RUVBL1: variants seen among roughly 807,000 people sequenced by gnomAD.
The protein encoded by RUVBL1 is RuvB like AAA ATPase 1.
Under a neutral mutation model 52.4 loss-of-function variants are expected in RUVBL1, and 4 were observed. That is an observed-to-expected ratio of 0.08 (90% CI 0.04 to 0.17). The LOEUF is 0.17. Ranked by LOEUF, RUVBL1 falls within the 10% of genes least tolerant of loss-of-function variation. RUVBL1 has a pLI of 1.00. For missense variants in RUVBL1, 298 were observed against 572.8 expected (o/e 0.52, Z 4.90); for synonymous variants, 217 against 214.4 (o/e 1.01, Z -0.10).
At chr3:128,066,684 A>C in intron 9 of RUVBL1, 1 of 462,172 alleles carries the variant, frequency 2.2e-6, no homozygotes, top group Admixed American at 3.8e-5. Context: ...TCGGCCTCCC[A>C]AAGTGCTGGG....
chr3:128,135,781 G>A (rs148278580), intron 1 of RUVBL1, among the ~76,000 whole-genome samples: 188 of 152,330 alleles, frequency 1.2e-3, no homozygotes, highest in African/African-American at 4.1e-3. Flanking sequence ...ATTGGTAATA[G>A]TACGTACACA....
intron 4 of RUVBL1, among the ~76,000 whole-genome samples, chr3:128,102,342 T>C (rs1943125412): frequency 4.6e-5 from 7 of 152,278 alleles, no homozygotes; most frequent in Admixed American, 3.9e-4. Flanking sequence ...TCTGCCTGCT[T>C]ATATCTCCAG....
At chr3:128,077,876 CT>C (rs1196592988), downstream of RUVBL1, among the ~76,000 whole-genome samples, 1 of 152,228 alleles carries the variant, frequency 6.6e-6, no homozygotes, top group Non-Finnish European at 1.5e-5. Flanking sequence ...GAACTCTTTA[CT>C]GCCTCTTAGT....
intron 1 of RUVBL1, among the ~76,000 whole-genome samples, chr3:128,133,059 A>T (rs1576485192): frequency 6.6e-6 from 1 of 152,284 alleles, no homozygotes. Context: ...CACAACTTGA[A>T]GAGAGAGCCC....
Position 128,093,820 on chromosome 3 carries a change from G to C in RUVBL1, c.1016+3480C>G, listed in dbSNP as rs1256853143. The stretch of plus-strand genomic sequence containing the variant: ...GTCATCCATGGATGGACCCTTCCCA[G>C]AAGGAGCCTGGAGCATCAAGAGGAC... On this transcript the variant is annotated intron_variant, in intron 8 of 10. Coordinates refer to ENST00000322623, the MANE Select transcript of RUVBL1 (RefSeq NM_003707.3). Among the ~76,000 whole-genome samples, 7 of 152,280 alleles carry C rather than the reference G, an allele frequency of 4.6e-5. 1 individual carries two copies. In the South Asian group the frequency reaches 1.2e-3, roughly 27 times the overall value.
chr3:128,069,624 C>T, intron 9 of RUVBL1: 4 of 1,614,158 alleles, frequency 2.5e-6, no homozygotes, highest in Non-Finnish European at 3.4e-6. Context: ...CGTTAAGGAG[C>T]AAAGCGAGGT....
intron 3 of RUVBL1, among the ~76,000 whole-genome samples, chr3:128,109,809 ATTTTTT>A (rs60187195): frequency 5.0e-5 from 4 of 80,488 alleles, no homozygotes; most frequent in South Asian, 5.8e-4. Flanking sequence ...CTCTCTGTAA[ATTTTTT>A]TTTTTTTTTT....
intron 1 of RUVBL1, among the ~76,000 whole-genome samples, chr3:128,151,580 G>A (rs1415613333): frequency 2.0e-5 from 3 of 151,742 alleles, no homozygotes; most frequent in Non-Finnish European, 4.4e-5. Flanking sequence ...AATGGGAGGC[G>A]TATTTTTACA....
At chr3:128,123,438 G>T (rs1016959054) in intron 1 of RUVBL1, 146 bp downstream of exon 1, 1 of 1,044,806 alleles carries the variant, frequency 9.6e-7, no homozygotes, top group Non-Finnish European at 1.3e-6. Context: ...CCCTCCCCGA[G>T]CCCCTGGCCC....
chr3:128,090,485 C>A (rs1351100546), intron 8 of RUVBL1, among the ~76,000 whole-genome samples: 2 of 152,188 alleles, frequency 1.3e-5, no homozygotes, highest in Non-Finnish European at 2.9e-5. Context: ...TGTCACTGCA[C>A]TCCAGCCTGG....
upstream of RUVBL1, among the ~76,000 whole-genome samples, chr3:128,127,640 C>T (rs1265566692): frequency 1.3e-5 from 2 of 152,190 alleles, no homozygotes; most frequent in Non-Finnish European, 2.9e-5. Context: ...CCCAGTGGTG[C>T]CCTGTAACCA....
intron 1 of RUVBL1, among the ~76,000 whole-genome samples, chr3:128,134,609 A>T (rs1158048746): frequency 6.6e-6 from 1 of 151,998 alleles, no homozygotes; most frequent in Non-Finnish European, 1.5e-5. Flanking sequence ...CAACATGGTG[A>T]AACCCCATCT....
At position 128,081,429 on chromosome 3, in the gene RUVBL1, G is replaced by A. The variant is rs755571111; in HGVS notation, c.1212-20C>T. On this transcript the variant is annotated intron_variant, in intron 10 of 10. Transcript: ENST00000322623. The surrounding 1 kb of genome is among the most constrained non-coding windows in gnomAD (Gnocchi z 4.8). ...GAGTACCTAGAGTGGACAGGGGCCA[G>A]GGCTGGAGTGAAACTGGGGCCACCG... 7.3e-5 allele frequency: 117 copies of A among 1,600,120 alleles called. 3 individuals are homozygous for A. Among genetic ancestry groups the A allele is most frequent in the South Asian group, 6.4e-4 (58 of 90,552 alleles).
At chr3:128,104,238 G>A (rs922070993) in intron 4 of RUVBL1, among the ~76,000 whole-genome samples, 5 of 152,160 alleles carry the variant, frequency 3.3e-5, no homozygotes, top group Non-Finnish European at 7.3e-5. Context: ...CACCATTCTG[G>A]CCTCTCCACA....
At chr3:128,142,608 G>A (rs979185811) in intron 1 of RUVBL1, among the ~76,000 whole-genome samples, 1 of 152,152 alleles carries the variant, frequency 6.6e-6, no homozygotes, top group Non-Finnish European at 1.5e-5. Context: ...TAAAATGAAC[G>A]TGTTGTTAGG....
chr3:128,153,252 G>A, exon 1 of RUVBL1: 2 of 1,342,464 alleles, frequency 1.5e-6, no homozygotes, highest in Non-Finnish European at 1.9e-6. Context: ...TCCATCTCGG[G>A]CTCCTAGAGG....
rs1165031950 is a variant in RUVBL1, at chr3:128,147,571, T to TAAAACA, written c.-40+5626_-40+5631dup. Among the ~76,000 whole-genome samples, 7 of 152,048 alleles carry TAAAACA rather than the reference T, an allele frequency of 4.6e-5. 1 individual carries two copies. In the South Asian group the frequency reaches 6.2e-4, roughly 13 times the overall value. ...GGATGACAGAGTGAGACCCCATCTCTAAAACAAAAACAAAAACAAGACACT... is the reference window on the plus strand; with the variant it reads ...GGATGACAGAGTGAGACCCCATCTCTAAAACAAAAACAAAAACAAAAACAAGACACT... On this transcript the variant is annotated intron_variant, in intron 1 of 9. Coordinates refer to the RUVBL1 transcript ENST00000464873.
chr3:128,073,977 T>C (rs1267871207), intron 9 of RUVBL1, among the ~76,000 whole-genome samples: 1 of 152,152 alleles, frequency 6.6e-6, no homozygotes, highest in African/African-American at 2.4e-5. Flanking sequence ...CAAGAAACAA[T>C]AGCGTATGCT....
intron 1 of RUVBL1, among the ~76,000 whole-genome samples, chr3:128,149,806 A>G (rs1944159668): frequency 6.6e-6 from 1 of 152,216 alleles, no homozygotes; most frequent in Admixed American, 6.5e-5. Context: ...CACCAATCTC[A>G]GCATTGGTGA....
Sources: allele counts gnomAD v4.1 joint callset (sites outside exome capture counted in the v4.1 genomes callset), GRCh38; gene constraint gnomAD v4.1.1; non-coding constraint Gnocchi (gnomAD v3.1); transcripts MANE v1.5; gene names NCBI Gene and HGNC (gene_info 2026-07-23, HGNC 2026-07-21).